TBC1D23: variants seen among roughly 807,000 people sequenced by gnomAD.
The protein encoded by TBC1D23 is HCV non-structural protein 4A-transactivated protein 1.
TBC1D23 carries 55 observed loss-of-function variants against 91.4 expected under a neutral mutation model. That is an observed-to-expected ratio of 0.60 (90% CI 0.48 to 0.75). The LOEUF (loss-of-function observed/expected upper bound fraction) is 0.75, where lower values mean the gene tolerates loss of function less well. Among genes scored for constraint, TBC1D23 ranks in the 30% least tolerant of loss-of-function variants. The probability of loss-of-function intolerance (pLI) is 0.00; values close to 1 mark genes in which losing one functional copy is unlikely to be tolerated. For synonymous variants in TBC1D23, 289 were observed against 281.0 expected, an observed-to-expected ratio of 1.03 and a Z score of -0.28; for missense variants, 725 against 836.1, an observed-to-expected ratio of 0.87 and a Z score of 1.64.
chr3:100,292,722 C>T (rs1464145083), intron 5 of TBC1D23, among the ~76,000 whole-genome samples: 1 of 152,126 alleles, frequency 6.6e-6, no homozygotes, highest in African/African-American at 2.4e-5. Context: ...ACCTCAGCCT[C>T]CTGAGTAGCT....
chr3:100,309,439 C>T (rs983778128), intron 13 of TBC1D23, among the ~76,000 whole-genome samples: 3 of 152,042 alleles, frequency 2.0e-5, no homozygotes, highest in Non-Finnish European at 4.4e-5. Context: ...TCAGGCTCCA[C>T]ACTCACATAT....
intron 1 of TBC1D23, among the ~76,000 whole-genome samples, chr3:100,262,234 T>C (rs6791887): frequency 0.25 from 38,710 of 151,966 alleles, 5,252 homozygotes; most frequent in East Asian, 0.5. Context: ...AAATTAATCT[T>C]ATTCTTTGTG....
chr3:100,263,166 A>G (rs898085552), intron 1 of TBC1D23, among the ~76,000 whole-genome samples: 1 of 152,212 alleles, frequency 6.6e-6, no homozygotes, highest in Non-Finnish European at 1.5e-5. Context: ...GGAAAATTAC[A>G]GTCGAAGGGG....
intron 4 of TBC1D23, among the ~76,000 whole-genome samples, chr3:100,289,589 T>C (rs759038211): frequency 5.9e-5 from 9 of 152,124 alleles, no homozygotes; most frequent in South Asian, 2.1e-4. Flanking sequence ...CTTGGGTGCC[T>C]GGGTAGAGGG....
intron 1 of TBC1D23, among the ~76,000 whole-genome samples, chr3:100,266,332 G>C (rs556620991): frequency 1.3e-5 from 2 of 151,746 alleles, no homozygotes; most frequent in African/African-American, 4.8e-5. Context: ...TGCAGTGTGC[G>C]ATCTTGGTTC....
chr3:100,309,874 A>G lies in TBC1D23; in HGVS notation c.1414-529A>G, dbSNP rs149400463. On this transcript the variant is annotated intron_variant, in intron 13 of 18. Coordinates refer to ENST00000394144, the MANE Select transcript of TBC1D23 (RefSeq NM_001199198.3). ...TCCACCTGCCTCGGCCTCCCAAAGTACTGGGATTACAGGCGTGAGCCACCG... is the reference window on the plus strand; with the variant it reads ...TCCACCTGCCTCGGCCTCCCAAAGTGCTGGGATTACAGGCGTGAGCCACCG... Among the ~76,000 whole-genome samples, 714 of 152,150 alleles carry G rather than the reference A, an allele frequency of 4.7e-3. 2 individuals carry two copies. Among genetic ancestry groups the G allele is most frequent in the Non-Finnish European group, 6.4e-3 (433 of 67,970 alleles).
chr3:100,261,224 G>T (rs2067507792), intron 1 of TBC1D23, 153 bp downstream of exon 1: 2 of 695,024 alleles, frequency 2.9e-6, no homozygotes, highest in South Asian at 1.8e-5. Context: ...TGCCAGCTGG[G>T]TGCCCCCTGC....
chr3:100,292,850 G>A (rs571416718), intron 5 of TBC1D23, among the ~76,000 whole-genome samples: 19 of 152,170 alleles, frequency 1.2e-4, no homozygotes, highest in African/African-American at 4.3e-4. Context: ...ATCCTCTCAC[G>A]CAGGCCTCCC....
intron 17 of TBC1D23, among the ~76,000 whole-genome samples, 193 bp from the exon 18 acceptor site, chr3:100,320,584 A>G (rs1442906134): frequency 6.6e-6 from 1 of 152,186 alleles, no homozygotes; most frequent in Non-Finnish European, 1.5e-5. Context: ...TTAATAAAAT[A>G]TTAATTTTGC....
In TBC1D23 at chr3:100,320,753, T is replaced by C. The variant is rs78764068; in HGVS notation, c.1824-24T>C. ...TAAATTTACTTAAAAATTCTTTTTC[T>C]TTTAATGCTTTTTTTGTCTCAAGTC... On this transcript the variant is annotated intron_variant, in intron 17 of 18. Coordinates refer to ENST00000394144, the MANE Select transcript of TBC1D23 (RefSeq NM_001199198.3). 9.7e-4 allele frequency: 1,369 copies of C among 1,407,122 alleles called. 18 individuals carry two copies. The African/African-American group carries it at 0.018, about 18-fold the overall frequency. The allele number at this position is 1,407,122 out of a possible 1,614,324, so 87.2% of individuals were successfully genotyped here.
intron 1 of TBC1D23, among the ~76,000 whole-genome samples, chr3:100,274,955 C>T (rs2067636399): frequency 6.9e-6 from 1 of 145,712 alleles, no homozygotes. Context: ...GTTGCATTCA[C>T]CTTTGGGCTA....
chr3:100,262,744 A>AAAC lies in TBC1D23; in HGVS notation c.53+1674_53+1675insACA, dbSNP rs1559797333. On this transcript the variant is annotated intron_variant, in intron 1 of 18. Transcript: ENST00000394144. ...GTCTCAAAAAAAAAAAAAAAAAAAA[A>AAAC]ACACTAAAAAGAAACAGGTGAAATC... 4.6e-3 allele frequency among the ~76,000 whole-genome samples: 698 copies of AAAC among 151,412 alleles called. 12 individuals carry two copies. Among genetic ancestry groups the AAAC allele is most frequent in the African/African-American group, 0.016 (640 of 41,236 alleles).
intron 16 of TBC1D23, among the ~76,000 whole-genome samples, chr3:100,317,930 T>TTATATACATTTATATACATTTAAGTGTA (rs1488464091): frequency 1.0e-4 from 12 of 119,318 alleles, no homozygotes; most frequent in Admixed American, 1.5e-4. Flanking sequence ...AGTCTACTTT[T>TTATATACATTTATATACATTTAAGTGTA]TATATACATT....
In TBC1D23 at chr3:100,290,628, A is replaced by G. The variant is rs2067781801; in HGVS notation, c.527A>G (p.Gln176Arg). The G allele has an allele frequency of 1.2e-6, 2 of 1,613,136 alleles. No homozygotes were observed. The highest frequency in any genetic ancestry group is 1.3e-5 in the African/African-American group (1 of 74,926). ...TTTCATCTCTTCAGGTTGCTCATCCAATACCATGAGCCTGAGCTTTGTTCT... is the reference window on the plus strand; with the variant it reads ...TTTCATCTCTTCAGGTTGCTCATCCGATACCATGAGCCTGAGCTTTGTTCT... Reference protein sequence around the residue: ...RPFHLFRLLIQYHEPELCSYL... With the variant: ...RPFHLFRLLIRYHEPELCSYL... The change falls in exon 5 of 19, where the codon CAA becomes CGA. Residue 176 changes from glutamine to arginine, a missense_variant. Physicochemically the swap from Gln to Arg is conservative, Grantham distance 43. Coordinates refer to ENST00000394144, the MANE Select transcript of TBC1D23 (RefSeq NM_001199198.3).
In TBC1D23 at chr3:100,320,914, TTA is replaced by T. The variant is rs1406787605; in HGVS notation, c.1962_1963del (p.Thr655LeufsTer6). ...TCCAAAAAAAAACATCCTGAACTCA[TTA>T]CCTTCAAGTATGGAAATAGCAGTGC... On this transcript the variant is annotated frameshift_variant, in exon 18 of 19. Transcript: ENST00000394144. LOFTEE classifies it high-confidence loss of function. 1 of 1,611,376 alleles carries T rather than the reference TTA, an allele frequency of 6.2e-7. No individual in the cohort carries two copies. The highest frequency in any genetic ancestry group is 8.5e-7 in the Non-Finnish European group (1 of 1,179,122).
intron 2 of TBC1D23, among the ~76,000 whole-genome samples, chr3:100,281,201 A>G (rs1053249533): frequency 3.3e-5 from 5 of 152,292 alleles, no homozygotes; most frequent in Non-Finnish European, 7.4e-5. Context: ...ATATCATAAA[A>G]TAATTTCTTC....
At chr3:100,288,633 A>G in intron 4 of TBC1D23, among the ~76,000 whole-genome samples, 1 of 152,356 alleles carries the variant, frequency 6.6e-6, no homozygotes, top group East Asian at 1.9e-4. Context: ...TCCTCAATAA[A>G]TAGTTGACTT....
chr3:100,274,534 G>C (rs1024389555), intron 1 of TBC1D23, among the ~76,000 whole-genome samples: 5 of 151,906 alleles, frequency 3.3e-5, no homozygotes, highest in African/African-American at 1.2e-4. Flanking sequence ...TCATCTTGCA[G>C]AACTGAAACT....
intron 5 of TBC1D23, among the ~76,000 whole-genome samples, chr3:100,293,309 A>G (rs2067809328): frequency 1.3e-5 from 2 of 151,806 alleles, no homozygotes; most frequent in East Asian, 1.9e-4. Flanking sequence ...AATTTTTTGT[A>G]TTTTTATTAG....
Sources: allele counts gnomAD v4.1 joint callset (sites outside exome capture counted in the v4.1 genomes callset), GRCh38; gene constraint gnomAD v4.1.1; transcripts MANE v1.5; gene names NCBI Gene and HGNC (gene_info 2026-07-23, HGNC 2026-07-21).